PRUNE2: variants seen among roughly 807,000 people sequenced by gnomAD.
PRUNE2 encodes prune homolog 2 with BCH domain, also known as protein prune homolog 2.
PRUNE2 carries 164 observed loss-of-function variants against 252.0 expected under a neutral mutation model. The ratio of observed to expected loss-of-function variants is 0.65; its 90% confidence interval spans 0.57 to 0.74. The LOEUF is 0.74. Ranked by LOEUF, PRUNE2 falls within the 30% of genes least tolerant of loss-of-function variation. The pLI is 0.00. For missense variants in PRUNE2, 3,495 were observed against 3,711.0 expected (o/e 0.94, Z 1.51); for synonymous variants, 1,292 against 1,350.2 (o/e 0.96, Z 0.94).
At chr9:76,869,049 C>G (rs1005076247) in intron 1 of PRUNE2, 1 of 152,206 alleles carries the variant, frequency 6.6e-6, no homozygotes, top group Non-Finnish European at 1.5e-5. Context: ...GGTCTTCTCC[C>G]CCTATGAACA....
chr9:76,678,189 T>C (rs2042942805), intron 9 of PRUNE2, among the ~76,000 whole-genome samples: 1 of 151,496 alleles, frequency 6.6e-6, no homozygotes, highest in Non-Finnish European at 1.5e-5. Context: ...CCGTCTCTAC[T>C]AAAAGTACAA....
intron 18 of PRUNE2, among the ~76,000 whole-genome samples, chr9:76,616,017 T>G (rs1402907841): frequency 6.6e-6 from 1 of 152,022 alleles, no homozygotes; most frequent in Non-Finnish European, 1.5e-5. Flanking sequence ...ATCCGCCCAC[T>G]TCAGCCTCCC....
intron 12 of PRUNE2, among the ~76,000 whole-genome samples, chr9:76,640,437 C>T (rs904698875): frequency 6.6e-6 from 1 of 152,154 alleles, no homozygotes; most frequent in African/African-American, 2.4e-5. Context: ...AGTATTTATA[C>T]TACAAGTGGT....
chr9:76,890,005 C>T (rs1183330047), intron 1 of PRUNE2, among the ~76,000 whole-genome samples: 2 of 152,182 alleles, frequency 1.3e-5, no homozygotes, highest in South Asian at 4.1e-4. Context: ...GTTTAAAGAG[C>T]GCTGCCGGAA....
Position 76,651,457 on chromosome 9 carries a change from T to C in PRUNE2, c.8557+1026A>G, listed in dbSNP as rs561660138. Among the ~76,000 whole-genome samples the C allele has an allele frequency of 7.2e-5, 11 of 152,326 alleles. No homozygotes were observed. In the East Asian group the frequency reaches 2.1e-3, roughly 29 times the overall value. On this transcript the variant is annotated intron_variant, in intron 11 of 18. Transcript: ENST00000376718. ...TAAAAGTCAGGCCACCACTTAATTG[T>C]GGCACTGTATTGCTTTTAAGATTGC...
At chr9:76,838,019 C>T (rs934837837) in intron 4 of PRUNE2, among the ~76,000 whole-genome samples, 3 of 151,982 alleles carry the variant, frequency 2.0e-5, no homozygotes, top group East Asian at 3.9e-4. Flanking sequence ...GATCTGCCCG[C>T]CTCAGCCTCC....
chr9:76,779,459 G>A (rs2054142441), intron 6 of PRUNE2, among the ~76,000 whole-genome samples: 1 of 152,188 alleles, frequency 6.6e-6, no homozygotes, highest in Non-Finnish European at 1.5e-5. Flanking sequence ...CTTATGGGAT[G>A]CACTTATGAA....
intron 6 of PRUNE2, among the ~76,000 whole-genome samples, chr9:76,815,550 A>G (rs2057638375): frequency 6.6e-6 from 1 of 152,164 alleles, no homozygotes. Context: ...TCATGATCCA[A>G]TCACCTCCCT....
chr9:76,623,446 C>T (rs1282642577), intron 17 of PRUNE2, among the ~76,000 whole-genome samples: 4 of 152,084 alleles, frequency 2.6e-5, no homozygotes, highest in Admixed American at 6.6e-5. Context: ...AGGCGTGCAC[C>T]ACCATGCCCA....
At chr9:76,731,310 CTATA>C (rs1194576016) in intron 6 of PRUNE2, among the ~76,000 whole-genome samples, 10 of 36,648 alleles carry the variant, frequency 2.7e-4, no homozygotes, top group South Asian at 1.0e-3. Context: ...ATCTATCTAT[CTATA>C]TATATATATA....
At chr9:76,850,047 G>A in intron 3 of PRUNE2, among the ~76,000 whole-genome samples, 1 of 151,834 alleles carries the variant, frequency 6.6e-6, no homozygotes, top group Admixed American at 6.6e-5. Context: ...TGGGATTTTG[G>A]GGTTTGTTTG....
intron 6 of PRUNE2, among the ~76,000 whole-genome samples, chr9:76,799,010 G>A (rs1403111214): frequency 6.6e-6 from 1 of 152,178 alleles, no homozygotes; most frequent in Non-Finnish European, 1.5e-5. Flanking sequence ...CACCCTGGCA[G>A]GCTTCTTATG....
chr9:76,709,871 A>G lies in PRUNE2; in HGVS notation c.2403T>C (p.Ser801=), dbSNP rs2046585609. 1.9e-6 allele frequency: 3 copies of G among 1,613,616 alleles called. No individual in the cohort carries two copies. The Admixed American group carries it at 5.0e-5, about 27-fold the overall frequency. The change falls in exon 8 of 19, where the codon AGT becomes AGC. Residue 801 remains serine (S), a synonymous_variant. Transcript: ENST00000376718. The part of the protein sequence containing the change: ...PAAVAPFPAW[S]AFGKEDHDEA... Reference sequence around the variant, plus strand: ...CATCATGATCTTCTTTACCAAATGCACTCCAGGCTGGGAATGGCGCCACAG... The same window carrying G: ...CATCATGATCTTCTTTACCAAATGCGCTCCAGGCTGGGAATGGCGCCACAG...
In PRUNE2 at chr9:76,649,695, A is replaced by G. The variant is rs1026899564; in HGVS notation, c.8557+2788T>C. Among the ~76,000 whole-genome samples the G allele has an allele frequency of 4.3e-4, 66 of 152,222 alleles. 3 individuals carry two copies. On this transcript the variant is annotated intron_variant, in intron 11 of 18. Coordinates refer to ENST00000376718, the MANE Select transcript of PRUNE2 (RefSeq NM_015225.3). ...ATAAATCCTGCTCATTTTTAAGAGT[A>G]GCCCTCAAGTATTCCATTTTGCTGA...
chr9:76,862,408 T>A lies in PRUNE2; in HGVS notation c.37-8200A>T, dbSNP rs550295783. ...TTTCATTTAGCCTCCTATGAACATA[T>A]GTCTAGGTCACAAATCCTTTCCTTG... On this transcript the variant is annotated intron_variant, in intron 1 of 18. Transcript: ENST00000376718. 3 of 152,334 alleles carry A rather than the reference T, an allele frequency of 2.0e-5. No homozygotes were observed. The East Asian group carries it at 5.8e-4, about 29-fold the overall frequency. The allele number at this position is 152,334 out of a possible 1,614,324, so 9.4% of individuals were successfully genotyped here. A position where few individuals can be genotyped will look rare whatever the true frequency, so the allele number is the denominator to read the frequency against.
At chr9:76,772,738 AT>A (rs1225226578) in intron 6 of PRUNE2, among the ~76,000 whole-genome samples, 1 of 151,954 alleles carries the variant, frequency 6.6e-6, no homozygotes, top group Non-Finnish European at 1.5e-5. Flanking sequence ...TAATTGTTTA[AT>A]TTTTTGTAGA....
intron 1 of PRUNE2, among the ~76,000 whole-genome samples, chr9:76,864,057 G>A (rs1275712128): frequency 6.6e-6 from 1 of 152,100 alleles, no homozygotes; most frequent in East Asian, 1.9e-4. Flanking sequence ...CCCATCAAAC[G>A]TGGATTGGAT....
intron 9 of PRUNE2, among the ~76,000 whole-genome samples, chr9:76,668,628 C>A (rs2040677509): frequency 6.6e-6 from 1 of 151,958 alleles, no homozygotes; most frequent in Non-Finnish European, 1.5e-5. Context: ...CTCTTCCCAG[C>A]CTGAACTCTG....
At chr9:76,670,258 A>C (rs2041080636) in intron 9 of PRUNE2, among the ~76,000 whole-genome samples, 2 of 152,108 alleles carry the variant, frequency 1.3e-5, no homozygotes, top group Non-Finnish European at 2.9e-5. Context: ...GGGGTCAGGG[A>C]GTTCCCTTTC....
Sources: gnomAD v4.1 joint callset for allele counts (sites outside exome capture counted in the v4.1 genomes callset) on GRCh38, gnomAD v4.1.1 for gene constraint, MANE v1.5 for transcripts, NCBI Gene and HGNC (gene_info 2026-07-23, HGNC 2026-07-21) for gene names.